Variants in GPC6 observed in about 807,000 individuals in gnomAD.
The protein encoded by GPC6 is glypican-6.
A neutral mutation model predicts 55.2 loss-of-function variants in GPC6; 14 were observed. The ratio of observed to expected loss-of-function variants is 0.25; its 90% CI spans 0.17 to 0.40. GPC6 has a LOEUF of 0.40. Ranked by LOEUF, GPC6 falls within the 10% of genes least tolerant of loss-of-function variation. GPC6 has a pLI of 1.00. For synonymous variants in GPC6, 278 were observed against 259.6 expected, an observed-to-expected ratio of 1.07 and a Z score of -0.68; for missense variants, 641 against 708.5, an observed-to-expected ratio of 0.90 and a Z score of 1.08.
At chr13:93,651,066 C>G (rs1403947090) in intron 2 of GPC6, among the ~76,000 whole-genome samples, 1 of 152,142 alleles carries the variant, frequency 6.6e-6, no homozygotes, top group African/African-American at 2.4e-5. Context: ...TATGCAAGTG[C>G]AAACACAAGA....
At chr13:93,393,046 AGAGATATAGATAGATAGATATTT>A (rs1392930282) in intron 1 of GPC6, among the ~76,000 whole-genome samples, 1 of 150,904 alleles carries the variant, frequency 6.6e-6, no homozygotes, top group Non-Finnish European at 1.5e-5. Context: ...ATTAAATTTG[AGAGATATAGATAGATAGATATTT>A]GAGATATATC....
chr13:93,550,228 A>G (rs2139440687), intron 2 of GPC6, among the ~76,000 whole-genome samples: 1 of 152,234 alleles, frequency 6.6e-6, no homozygotes, highest in East Asian at 1.9e-4. Context: ...TCCTCCAAGA[A>G]TGTCTGTGGA....
intron 4 of GPC6, among the ~76,000 whole-genome samples, chr13:94,040,525 CT>C (rs1366622891): frequency 6.6e-6 from 1 of 151,818 alleles, no homozygotes; most frequent in Non-Finnish European, 1.5e-5. Flanking sequence ...CGAATGCCTT[CT>C]GCTTAGCCCA....
At chr13:93,904,271 G>A (rs533675966) in intron 3 of GPC6, among the ~76,000 whole-genome samples, 2 of 152,286 alleles carry the variant, frequency 1.3e-5, no homozygotes, top group East Asian at 1.9e-4. Context: ...GAGTAGAACT[G>A]TAGACAAAAA....
At chr13:94,035,273 A>T (rs891239833) in intron 4 of GPC6, among the ~76,000 whole-genome samples, 2 of 151,876 alleles carry the variant, frequency 1.3e-5, no homozygotes, top group African/African-American at 4.8e-5. Flanking sequence ...TCATGCCAAA[A>T]GAAAATATTT....
intron 4 of GPC6, among the ~76,000 whole-genome samples, chr13:94,106,528 A>C (rs1886060384): frequency 1.3e-5 from 2 of 151,940 alleles, no homozygotes; most frequent in Non-Finnish European, 2.9e-5. Flanking sequence ...GAGTGAGGGA[A>C]GTGAGGGAGG....
chr13:93,477,850 C>T (rs927348602), intron 1 of GPC6, among the ~76,000 whole-genome samples: 1 of 152,144 alleles, frequency 6.6e-6, no homozygotes, highest in Non-Finnish European at 1.5e-5. Flanking sequence ...TGAGTACAGA[C>T]TTAACAGCAG....
chr13:93,819,085 G>T (rs1000684327), intron 2 of GPC6, among the ~76,000 whole-genome samples: 2 of 152,188 alleles, frequency 1.3e-5, no homozygotes, highest in Admixed American at 1.3e-4. Flanking sequence ...TTTTAAAAGT[G>T]ATTTTAATGG....
chr13:94,403,027 G>C lies in GPC6; in HGVS notation c.1478G>C (p.Ser493Thr). The change falls in exon 9 of 9, where the codon AGT becomes ACT. Residue 493 changes from serine (S) to threonine (T), a missense_variant. Physicochemically the swap from Ser to Thr is moderately conservative, Grantham distance 58. Transcript: ENST00000377047. Reference sequence around the variant, plus strand: ...CTTTCCACACTAGGTGATGAATCCAGTGGCTCAGGGAGTGGCAGTGGGTGC... The same window carrying C: ...CTTTCCACACTAGGTGATGAATCCACTGGCTCAGGGAGTGGCAGTGGGTGC... ...VNFQDTSDES[S>T]GSGSGSGCMD... 6.2e-7 allele frequency: 1 copy of C among 1,611,468 alleles called. No homozygotes were observed. The highest frequency in any genetic ancestry group is 2.2e-5 in the East Asian group (1 of 44,870).
At chr13:93,255,220 A>G (rs2139033556) in intron 1 of GPC6, among the ~76,000 whole-genome samples, 1 of 152,366 alleles carries the variant, frequency 6.6e-6, no homozygotes, top group South Asian at 2.1e-4. Context: ...TTATTGATGC[A>G]TAATAGCTGC....
chr13:94,347,205 TC>T (rs1205705792), intron 6 of GPC6, among the ~76,000 whole-genome samples: 11 of 152,280 alleles, frequency 7.2e-5, no homozygotes, highest in Admixed American at 5.2e-4. Flanking sequence ...CTCTTGTTCT[TC>T]CCATATCCAG....
At chr13:93,657,922 A>G (rs1880753775) in intron 2 of GPC6, among the ~76,000 whole-genome samples, 1 of 152,090 alleles carries the variant, frequency 6.6e-6, no homozygotes, top group South Asian at 2.1e-4. Context: ...TACACTTGTC[A>G]GAATGGCTAT....
At chr13:93,889,881 A>G (rs1048364239) in intron 3 of GPC6, among the ~76,000 whole-genome samples, 1 of 152,072 alleles carries the variant, frequency 6.6e-6, no homozygotes, top group African/African-American at 2.4e-5. Context: ...GTGTATTTCT[A>G]CCAACAAACC....
intron 1 of GPC6, among the ~76,000 whole-genome samples, chr13:93,310,012 A>T (rs947228126): frequency 2.0e-5 from 3 of 152,198 alleles, no homozygotes; most frequent in African/African-American, 7.2e-5. Context: ...TAGTTGTGAA[A>T]GTTGACAGCT....
At chr13:93,226,300 A>G (rs1313123510), upstream of GPC6, among the ~76,000 whole-genome samples, 1 of 152,138 alleles carries the variant, frequency 6.6e-6, no homozygotes, top group Non-Finnish European at 1.5e-5. Context: ...ATGATTTCTG[A>G]TCGAAGGCTA....
At chr13:93,578,250 T>A (rs963312949) in intron 2 of GPC6, among the ~76,000 whole-genome samples, 1 of 152,002 alleles carries the variant, frequency 6.6e-6, no homozygotes, top group African/African-American at 2.4e-5. Context: ...TCCTGTTCAA[T>A]TTTTTTTAAA....
rs142244936 is a variant in GPC6 at position 94,203,596 on chromosome 13, A to G, written c.878-82753A>G. 2.0e-3 allele frequency among the ~76,000 whole-genome samples: 306 copies of G among 152,138 alleles called. 7 individuals are homozygous for G. In the East Asian group the frequency reaches 0.031, roughly 15 times the overall value. On this transcript the variant is annotated intron_variant, in intron 4 of 8. Coordinates refer to ENST00000377047, the MANE Select transcript of GPC6 (RefSeq NM_005708.5). ...GAAAGACAATACCCATTAATTTTAAACCTTATGTTGGCAGTCCCTCCAACA... is the reference window on the plus strand; with the variant it reads ...GAAAGACAATACCCATTAATTTTAAGCCTTATGTTGGCAGTCCCTCCAACA...
intron 2 of GPC6, among the ~76,000 whole-genome samples, chr13:93,745,430 C>G (rs1401092455): frequency 6.6e-6 from 1 of 152,084 alleles, no homozygotes; most frequent in African/African-American, 2.4e-5. Context: ...TCTGATACTC[C>G]CTCCTCTCAT....
chr13:93,853,860 C>T (rs1392990844), intron 3 of GPC6, among the ~76,000 whole-genome samples: 2 of 151,558 alleles, frequency 1.3e-5, no homozygotes, highest in Non-Finnish European at 3.0e-5. Context: ...TATATATGAA[C>T]ACTATTAAAA....
Sources: gnomAD v4.1 joint callset for allele counts (sites outside exome capture counted in the v4.1 genomes callset) on GRCh38, gnomAD v4.1.1 for gene constraint, MANE v1.5 for transcripts, NCBI Gene and HGNC (gene_info 2026-07-23, HGNC 2026-07-21) for gene names.